MPDZ: variants seen among roughly 807,000 people sequenced by gnomAD.
The protein encoded by MPDZ is multiple PDZ domain crumbs cell polarity complex component.
MPDZ carries 234 observed loss-of-function variants against 239.1 expected under a neutral mutation model. The ratio of observed to expected loss-of-function variants is 0.98; its 90% CI spans 0.88 to 1.09. The LOEUF (loss-of-function observed/expected upper bound fraction) is 1.09, where lower values mean the gene tolerates loss of function less well. MPDZ is among the 50% of genes least tolerant of loss of function. The pLI, the probability that MPDZ is intolerant of heterozygous loss-of-function variation, is 0.00. For missense variants in MPDZ, 3,175 were observed against 2,510.0 expected (o/e 1.26, Z -5.66); for synonymous variants, 1,048 against 881.3 (o/e 1.19, Z -3.35).
chr9:13,127,538 A>C (rs1040478946), intron 32 of MPDZ, among the ~76,000 whole-genome samples: 3 of 152,214 alleles, frequency 2.0e-5, no homozygotes, highest in African/African-American at 7.2e-5. Context: ...TTCTCCAGAG[A>C]AAAGTTACAA....
intron 2 of MPDZ, among the ~76,000 whole-genome samples, chr9:13,249,983 C>G (rs1967498428): frequency 6.6e-6 from 1 of 152,128 alleles, no homozygotes; most frequent in Admixed American, 6.5e-5. Flanking sequence ...CAGATGCTTT[C>G]CAGAAATAGA....
chr9:13,183,635 A>T (rs1443808520), intron 18 of MPDZ, 50 bp from the exon 19 acceptor site: 2 of 1,568,472 alleles, frequency 1.3e-6, no homozygotes, highest in South Asian at 2.3e-5. Context: ...TATTACATAT[A>T]TGACAAACAA....
At position 13,232,938 on chromosome 9, in the gene MPDZ, T is replaced by C. The variant is rs564417841; in HGVS notation, c.184-8355A>G. Among the ~76,000 whole-genome samples the C allele has an allele frequency of 2.0e-5, 3 of 148,526 alleles. No individual in the cohort carries two copies. In the South Asian group the frequency reaches 6.3e-4, roughly 31 times the overall value. On this transcript the variant is annotated intron_variant, in intron 3 of 46. Coordinates refer to ENST00000319217, the MANE Select transcript of MPDZ (RefSeq NM_001378778.1). ...TGACCAATCCCATATGGAAAGGTGC[T>C]CAGCATCATTACTCATCAGGAAAAT...
At chr9:13,112,332 A>G (rs13297966) in intron 42 of MPDZ, among the ~76,000 whole-genome samples, 186 bp from the exon 43 acceptor site, 4,724 of 152,332 alleles carry the variant, frequency 0.031, 117 homozygotes, top group Middle Eastern at 0.054. Flanking sequence ...GAAAATAAGC[A>G]TCTGTTCAGG....
chr9:13,242,215 CTTTTTTTT>C (rs145555644), intron 3 of MPDZ, among the ~76,000 whole-genome samples: 17 of 50,788 alleles, frequency 3.3e-4, no homozygotes, highest in South Asian at 3.3e-3. Context: ...TGTTAGGATG[CTTTTTTTT>C]TTTTTTTTTT....
intron 23 of MPDZ, among the ~76,000 whole-genome samples, chr9:13,160,830 T>TATATATATA (rs1950373029): frequency 5.3e-5 from 2 of 37,978 alleles, no homozygotes; most frequent in Admixed American, 5.0e-4. Flanking sequence ...ATTATTAAAA[T>TATATATATA]TATATATATA....
chr9:13,164,980 C>T (rs2133766176), intron 22 of MPDZ, among the ~76,000 whole-genome samples: 1 of 152,254 alleles, frequency 6.6e-6, no homozygotes, highest in African/African-American at 2.4e-5. Flanking sequence ...TTTGGATACA[C>T]ATGGACTAAC....
intron 21 of MPDZ, among the ~76,000 whole-genome samples, chr9:13,175,124 T>C (rs1352484966): frequency 6.6e-6 from 1 of 152,196 alleles, no homozygotes; most frequent in Non-Finnish European, 1.5e-5. Flanking sequence ...CATGACTGTG[T>C]AACTCAATGA....
Position 13,193,272 on chromosome 9 carries a change from C to T in MPDZ, c.1698G>A (p.Gly566=), listed in dbSNP as rs749464800. 3 of 1,612,054 alleles carry T rather than the reference C, an allele frequency of 1.9e-6. No homozygotes were observed. The highest frequency in any genetic ancestry group is 2.5e-6 in the Non-Finnish European group (3 of 1,178,754). The part of the protein sequence containing the change: ...VSKFSENSGL[G]ISLEATVGHH... ...GTCCCACTGTCGCTTCCAGGCTTAT[C>T]CCCAATCCACTGTTCTCACTAAACT... is the stretch of plus-strand genomic sequence containing the variant. The change falls in exon 14 of 47, where the codon GGG becomes GGA. Residue 566 remains glycine, a synonymous_variant. Transcript: ENST00000319217.
chr9:13,117,463 G>A lies in MPDZ; in HGVS notation c.5379+2039C>T, dbSNP rs141919394. Among the ~76,000 whole-genome samples the A allele has an allele frequency of 2.8e-3, 427 of 150,532 alleles. 6 individuals carry two copies. The highest frequency in any genetic ancestry group is 9.9e-3 in the African/African-American group (405 of 40,868). On this transcript the variant is annotated intron_variant, in intron 39 of 46. Coordinates refer to ENST00000319217, the MANE Select transcript of MPDZ (RefSeq NM_001378778.1). The stretch of plus-strand genomic sequence containing the variant: ...GGAGAATGGCGTGAACCCGGGAGGC[G>A]GAGCTTGCAGTGAGCCGAGATCACA...
At chr9:13,152,210 C>T (rs1949266970) in intron 24 of MPDZ, among the ~76,000 whole-genome samples, 2 of 152,138 alleles carry the variant, frequency 1.3e-5, no homozygotes, top group Admixed American at 1.3e-4. Context: ...GACCTGGTCA[C>T]TAACAGTCAA....
At chr9:13,136,553 C>A (rs1273992727) in intron 30 of MPDZ, among the ~76,000 whole-genome samples, 159 bp downstream of exon 30, 3 of 151,744 alleles carry the variant, frequency 2.0e-5, no homozygotes, top group African/African-American at 7.3e-5. Context: ...GTCCCGATCT[C>A]CTGACCTCAT....
At chr9:13,215,434 A>T (rs1958177696) in intron 10 of MPDZ, among the ~76,000 whole-genome samples, 1 of 148,956 alleles carries the variant, frequency 6.7e-6, no homozygotes, top group Admixed American at 6.7e-5. Context: ...ATGTGTGTAT[A>T]TATGATATAT....
intron 32 of MPDZ, among the ~76,000 whole-genome samples, chr9:13,132,294 C>T (rs1341148444): frequency 1.3e-5 from 2 of 152,184 alleles, no homozygotes; most frequent in African/African-American, 4.8e-5. Context: ...GCACCATTTA[C>T]AGAAGACGAA....
At chr9:13,183,295 T>C in intron 19 of MPDZ, 123 bp downstream of exon 19, 1 of 737,414 alleles carries the variant, frequency 1.4e-6, no homozygotes, top group Non-Finnish European at 2.1e-6. Context: ...CAATAATGAA[T>C]CCACAACTGG....
At chr9:13,110,789 G>A (rs774672649) in intron 43 of MPDZ, 49 bp from the exon 44 acceptor site, 4 of 1,390,260 alleles carry the variant, frequency 2.9e-6, no homozygotes, top group Non-Finnish European at 4.0e-6. Flanking sequence ...GCCATGGAGA[G>A]TGGGTCTTTG....
At chr9:13,171,355 G>A (rs1026835839) in intron 21 of MPDZ, among the ~76,000 whole-genome samples, 1 of 152,100 alleles carries the variant, frequency 6.6e-6, no homozygotes, top group Non-Finnish European at 1.5e-5. Flanking sequence ...ATCATAATGT[G>A]CCCTTGGGTA....
intron 12 of MPDZ, among the ~76,000 whole-genome samples, chr9:13,198,491 A>G (rs1457911805): frequency 6.6e-6 from 1 of 151,776 alleles, no homozygotes; most frequent in East Asian, 1.9e-4. Flanking sequence ...TATTCTGGTT[A>G]TTAATCAGAT....
At chr9:13,236,933 T>C (rs1181451062) in intron 3 of MPDZ, among the ~76,000 whole-genome samples, 2 of 152,140 alleles carry the variant, frequency 1.3e-5, no homozygotes, top group African/African-American at 4.8e-5. Flanking sequence ...TTGATCTTTT[T>C]TAATAGTATC....
Sources: allele counts gnomAD v4.1 joint callset (sites outside exome capture counted in the v4.1 genomes callset), GRCh38; gene constraint gnomAD v4.1.1; transcripts MANE v1.5; gene names NCBI Gene and HGNC (gene_info 2026-07-23, HGNC 2026-07-21).